LAMA3: variants seen among roughly 807,000 people sequenced by gnomAD.
LAMA3 encodes the protein laminin subunit alpha-3.
A neutral mutation model predicts 402.0 loss-of-function variants in LAMA3; 281 were observed. The ratio of observed to expected loss-of-function variants is 0.70; its 90% CI spans 0.63 to 0.77. The LOEUF is 0.77. LAMA3 is among the 30% of genes least tolerant of loss of function. The pLI is 0.00. For synonymous variants in LAMA3, 1,431 were observed against 1,558.4 expected (o/e 0.92, Z 1.93); for missense variants, 3,840 against 4,215.5 (o/e 0.91, Z 2.47).
chr18:23,891,436 A>G (rs2080660309), intron 42 of LAMA3, among the ~76,000 whole-genome samples: 1 of 152,234 alleles, frequency 6.6e-6, no homozygotes, highest in South Asian at 2.1e-4. Flanking sequence ...AGTGGGTATC[A>G]GAGTAAAGTT....
chr18:23,936,176 A>C (rs1473816461), intron 67 of LAMA3, among the ~76,000 whole-genome samples: 1 of 55,736 alleles, frequency 1.8e-5, no homozygotes, highest in Non-Finnish European at 5.2e-5. Context: ...GTCAGGATTC[A>C]AACTTAAGAC....
At chr18:23,775,349 C>T (rs1208184471) in intron 9 of LAMA3, among the ~76,000 whole-genome samples, 1 of 152,168 alleles carries the variant, frequency 6.6e-6, no homozygotes, top group Non-Finnish European at 1.5e-5. Flanking sequence ...ACTCTATCTC[C>T]ATGTCTAGGC....
intron 2 of LAMA3, among the ~76,000 whole-genome samples, chr18:23,729,233 T>G (rs2061351175): frequency 6.6e-6 from 1 of 152,066 alleles, no homozygotes; most frequent in Non-Finnish European, 1.5e-5. Context: ...TCTGTCCCTT[T>G]CTGTATCCCC....
At chr18:23,763,356 C>T (rs776639469) in intron 7 of LAMA3, 49 bp from the exon 8 acceptor site, 8 of 1,109,276 alleles carry the variant, frequency 7.2e-6, no homozygotes, top group Middle Eastern at 2.0e-4. Flanking sequence ...ATTTACTAAG[C>T]GTCTGATAGT....
chr18:23,904,454 G>T lies in LAMA3; in HGVS notation c.6474-99G>T. 8.0e-6 allele frequency: 10 copies of T among 1,242,386 alleles called. No homozygotes were observed. In the East Asian group the frequency reaches 1.0e-4, roughly 13 times the overall value. The allele number at this position is 1,242,386 out of a possible 1,614,324, so 77.0% of individuals were successfully genotyped here. A position where few individuals can be genotyped will look rare whatever the true frequency, so the allele number is the denominator to read the frequency against. ...TTTTCCATTTCTTAAAAAAAAAAAA[G>T]AAAGAAAAAATAAAAAGAAGAAATG... On this transcript the variant is annotated intron_variant, in intron 50 of 74. Coordinates refer to ENST00000313654, the MANE Select transcript of LAMA3 (RefSeq NM_198129.4).
chr18:23,916,499 C>T, intron 59 of LAMA3, 52 bp from the exon 60 acceptor site: 1 of 1,591,260 alleles, frequency 6.3e-7, no homozygotes, highest in Non-Finnish European at 8.6e-7. Flanking sequence ...AGCACACTGG[C>T]ATGGTGATCA....
chr18:23,790,635 C>G (rs868845933), intron 12 of LAMA3, among the ~76,000 whole-genome samples: 91 of 152,282 alleles, frequency 6.0e-4, no homozygotes, highest in African/African-American at 2.2e-3. Context: ...TAGTTATAAC[C>G]TGAAGTCATA....
Position 23,816,503 on chromosome 18 carries a change from G to T in LAMA3, c.2147+16G>T, listed in dbSNP as rs1243926595. ...TGTGCCAGCGGTGAGTCTTCGGGAG[G>T]CTTCTTCCCATGTTCAGGGTGTGAA... On this transcript the variant is annotated intron_variant, in intron 18 of 74. Coordinates refer to ENST00000313654, the MANE Select transcript of LAMA3 (RefSeq NM_198129.4). The T allele has an allele frequency of 3.0e-5, 48 of 1,600,730 alleles. No individual in the cohort carries two copies. Among genetic ancestry groups the T allele is most frequent in the Non-Finnish European group, 3.9e-5 (46 of 1,168,540 alleles).
At position 23,855,466 on chromosome 18, in the gene LAMA3, G is replaced by A. The variant is rs184599074; in HGVS notation, c.4137-2378G>A. ...ACCAGAGTCCTTGTGCTCCACACTC[G>A]CTGTCTCTCCAGAAATAAGGAATCA... On this transcript the variant is annotated intron_variant, in intron 32 of 74. Coordinates refer to ENST00000313654, the MANE Select transcript of LAMA3 (RefSeq NM_198129.4). 2.3e-3 allele frequency among the ~76,000 whole-genome samples: 343 copies of A among 152,212 alleles called. 3 individuals are homozygous for A. The highest frequency in any genetic ancestry group is 7.8e-3 in the African/African-American group (323 of 41,540).
chr18:23,838,674 T>G (rs1447200178), intron 25 of LAMA3, 107 bp from the exon 26 acceptor site: 2 of 719,476 alleles, frequency 2.8e-6, no homozygotes, highest in Non-Finnish European at 5.1e-6. Context: ...AGAATTATTA[T>G]GGATAAATCC....
At chr18:23,899,205 A>T (rs2080981878) in intron 46 of LAMA3, 83 bp from the exon 47 acceptor site, 2 of 1,344,998 alleles carry the variant, frequency 1.5e-6, no homozygotes, top group South Asian at 2.6e-5. Context: ...AAATCTCCAT[A>T]GAAGTTTCTA....
At chr18:23,949,975 C>T in intron 71 of LAMA3, 51 bp downstream of exon 71, 2 of 1,614,008 alleles carry the variant, frequency 1.2e-6, no homozygotes, top group African/African-American at 1.3e-5. Flanking sequence ...AGAACTGTAT[C>T]CTGTTTTCTT....
intron 1 of LAMA3, among the ~76,000 whole-genome samples, chr18:23,712,381 A>T (rs1415308756): frequency 1.3e-4 from 5 of 39,958 alleles, no homozygotes; most frequent in Admixed American, 2.4e-4. Flanking sequence ...CTCCGTCTCA[A>T]AAAAAAAAAA....
chr18:23,903,348 A>C lies in LAMA3; in HGVS notation c.6318+223A>C, dbSNP rs190747247. Among the ~76,000 whole-genome samples the C allele has an allele frequency of 1.4e-3, 211 of 152,346 alleles. 2 individuals carry two copies. In the South Asian group the frequency reaches 0.017, roughly 12 times the overall value. ...ATTACCTAATTTGTCCGCAATGAGCAAATCACTTTTGTGATAGCAACAAAA... is the reference window on the plus strand; with the variant it reads ...ATTACCTAATTTGTCCGCAATGAGCCAATCACTTTTGTGATAGCAACAAAA... On this transcript the variant is annotated intron_variant, in intron 49 of 74. Coordinates refer to ENST00000313654, the MANE Select transcript of LAMA3 (RefSeq NM_198129.4).
chr18:23,822,150 A>T (rs114199516), intron 19 of LAMA3, 102 bp from the exon 20 acceptor site: 1 of 1,292,622 alleles, frequency 7.7e-7, no homozygotes, highest in Admixed American at 1.7e-5. Context: ...TGTGTACATT[A>T]CAAGTCCAGT....
At position 23,918,287 on chromosome 18, in the gene LAMA3, T is replaced by C. The variant is rs1341600617; in HGVS notation, c.7923+1592T>C. 6.6e-6 allele frequency among the ~76,000 whole-genome samples: 1 copy of C among 152,208 alleles called. No homozygotes were observed. The highest frequency in any genetic ancestry group is 1.5e-5 in the Non-Finnish European group (1 of 68,030). On this transcript the variant is annotated intron_variant, in intron 60 of 74. Transcript: ENST00000313654. The surrounding 1 kb of genome is among the most constrained non-coding windows in gnomAD (Gnocchi z 4.1). ...GCAAATAATCAGGAATTTGAGAACATGCCCCCCAAAATGTGGGAGAAATCT... is the reference window on the plus strand; with the variant it reads ...GCAAATAATCAGGAATTTGAGAACACGCCCCCCAAAATGTGGGAGAAATCT...
intron 15 of LAMA3, among the ~76,000 whole-genome samples, chr18:23,814,840 C>T (rs1410984084): frequency 3.9e-5 from 6 of 151,956 alleles, no homozygotes; most frequent in South Asian, 2.1e-4. Flanking sequence ...TTAAAAACAC[C>T]GAGTTAAGGA....
In LAMA3 at chr18:23,954,539, C is replaced by T; in HGVS notation, c.9893C>T (p.Ser3298Leu). Residue 3298 changes from serine to leucine, a missense_variant, in exon 75 of 75, where the codon TCA (serine) becomes TTA (leucine). Physicochemically the swap from Ser to Leu is moderately radical, Grantham distance 145 (BLOSUM62 -2). Around this residue, in one of 3 missense-constraint regions of LAMA3, gnomAD observed 840 missense variants for 981.9 expected, o/e 0.86. Coordinates refer to ENST00000313654, the MANE Select transcript of LAMA3 (RefSeq NM_198129.4). ...ACACTGAGGATCCCTGTGTGGAAAT[C>T]ATTCTTTGGCTGTCTGAGGAATATT... is the stretch of plus-strand genomic sequence containing the variant. Reference protein sequence around the residue: ...LTTLRIPVWKSFFGCLRNIHV... With the variant: ...LTTLRIPVWKLFFGCLRNIHV... The T allele has an allele frequency of 1.2e-6, 2 of 1,613,804 alleles. No homozygotes were observed. The highest frequency in any genetic ancestry group is 1.1e-5 in the South Asian group (1 of 91,068).
chr18:23,798,011 G>A (rs2062799461), intron 12 of LAMA3, among the ~76,000 whole-genome samples: 1 of 152,096 alleles, frequency 6.6e-6, no homozygotes, highest in African/African-American at 2.4e-5. Flanking sequence ...TTCAACCACA[G>A]AATACAACTG....
Sources: allele counts gnomAD v4.1 joint callset (sites outside exome capture counted in the v4.1 genomes callset), GRCh38; gene constraint gnomAD v4.1.1; regional missense constraint gnomAD v4.1.1; non-coding constraint Gnocchi (gnomAD v3.1); transcripts MANE v1.5; gene names NCBI Gene and HGNC (gene_info 2026-07-23, HGNC 2026-07-21).